Variants in POMT2 observed in about 807,000 individuals in gnomAD.
POMT2 encodes protein O-mannosyl-transferase 2.
In POMT2, 75 loss-of-function variants were observed where a neutral mutation model predicts 100.0. The observed-to-expected ratio is 0.75, with a 90% confidence interval of 0.62 to 0.91. The LOEUF (loss-of-function observed/expected upper bound fraction) is 0.91. Among genes scored for constraint, POMT2 ranks in the 40% least tolerant of loss-of-function variants. POMT2 has a pLI of 0.00. For missense variants in POMT2, 940 were observed against 955.1 expected, an observed-to-expected ratio of 0.98 and a Z score of 0.21; for synonymous variants, 378 against 374.1, an observed-to-expected ratio of 1.01 and a Z score of -0.12.
Position 77,292,565 on chromosome 14 carries a change from T to C in POMT2, c.1117-1185A>G, listed in dbSNP as rs1055828744. Among the ~76,000 whole-genome samples the C allele has an allele frequency of 2.7e-4, 41 of 152,334 alleles. No homozygotes were observed. The South Asian group carries it at 3.1e-3, about 12-fold the overall frequency. On this transcript the variant is annotated intron_variant, in intron 9 of 20. Transcript: ENST00000261534. ...TATATACGTCCAATTATGCCAATTATGTAGACAAGTAGAGAACTCTCACAA... is the reference window on the plus strand; with the variant it reads ...TATATACGTCCAATTATGCCAATTACGTAGACAAGTAGAGAACTCTCACAA...
chr14:77,320,817 C>T lies in POMT2; in HGVS notation c.-136G>A, dbSNP rs1891870150. 7.2e-7 allele frequency: 1 copy of T among 1,381,034 alleles called. No individual in the cohort carries two copies. The highest frequency in any genetic ancestry group is 9.3e-7 in the Non-Finnish European group (1 of 1,074,680). The allele number at this position is 1,381,034 out of a possible 1,614,324, so 85.5% of individuals were successfully genotyped here. A position where few individuals can be genotyped will look rare whatever the true frequency, so the allele number is the denominator to read the frequency against. On this transcript the variant is annotated 5_prime_UTR_variant, in exon 1 of 21. Transcript: ENST00000261534. ...CCCTTCACTGCAGCGGAGCGCGGGGCCCCGGGCTCGGGGCGGGGCGGGCAG... is the reference window on the plus strand; with the variant it reads ...CCCTTCACTGCAGCGGAGCGCGGGGTCCCGGGCTCGGGGCGGGGCGGGCAG...
intron 12 of POMT2, among the ~76,000 whole-genome samples, chr14:77,285,943 C>T (rs2140186200): frequency 6.6e-6 from 1 of 152,274 alleles, no homozygotes; most frequent in South Asian, 2.1e-4. Context: ...GCCCTTCAAC[C>T]AAACTCAAGA....
intron 11 of POMT2, among the ~76,000 whole-genome samples, chr14:77,288,345 T>A (rs1457201388): frequency 1.3e-5 from 2 of 152,312 alleles, no homozygotes; most frequent in East Asian, 3.9e-4. Context: ...AGAAACAGAC[T>A]CCTACGTCTT....
At chr14:77,291,620 C>G (rs1466227118) in intron 9 of POMT2, 3 of 613,472 alleles carry the variant, frequency 4.9e-6, no homozygotes, top group Non-Finnish European at 8.5e-6. Context: ...CTTTTTGTTT[C>G]TTTGTATCTT....
chr14:77,320,361 C>A (rs1331424773), intron 1 of POMT2, 73 bp downstream of exon 1: 15 of 1,539,864 alleles, frequency 9.7e-6, no homozygotes, highest in South Asian at 1.2e-5. Context: ...CCCCTCCGTA[C>A]CCTCGGGCCA....
chr14:77,280,281 C>G, intron 16 of POMT2, 111 bp downstream of exon 16: 1 of 1,570,476 alleles, frequency 6.4e-7, no homozygotes, highest in Non-Finnish European at 8.6e-7. Flanking sequence ...CAACCCATCC[C>G]AGGAGGCCCC....
At chr14:77,278,302 T>G (rs1890054368) in intron 20 of POMT2, 92 bp downstream of exon 20, 9 of 1,097,628 alleles carry the variant, frequency 8.2e-6, no homozygotes, top group East Asian at 7.7e-5. Context: ...ACTGGTGGTG[T>G]TAAAAGCACC....
At chr14:77,294,874 C>T (rs1369952439) in intron 9 of POMT2, among the ~76,000 whole-genome samples, 1 of 152,168 alleles carries the variant, frequency 6.6e-6, no homozygotes, top group Admixed American at 6.6e-5. Context: ...AAAAATAAAG[C>T]ATTTGGAGAG....
Position 77,290,259 on chromosome 14 carries a change from A to T in POMT2, c.1183+1055T>A, listed in dbSNP as rs568004478. On this transcript the variant is annotated intron_variant, in intron 10 of 20. Coordinates refer to ENST00000261534, the MANE Select transcript of POMT2 (RefSeq NM_013382.7). ...TGGTTCATGACCACATGACGGAAGT[A>T]AAACTGGTCTTCCCTCGTAACTCCT... Among the ~76,000 whole-genome samples the T allele has an allele frequency of 2.6e-5, 4 of 152,344 alleles. No homozygotes were observed. In the East Asian group the frequency reaches 5.8e-4, roughly 22 times the overall value.
intron 8 of POMT2, among the ~76,000 whole-genome samples, chr14:77,298,333 A>G (rs1318335439): frequency 6.6e-6 from 1 of 152,214 alleles, no homozygotes; most frequent in East Asian, 1.9e-4. Context: ...CTCCACTACC[A>G]TCTGTCATAG....
chr14:77,289,347 C>T (rs1358001793), intron 10 of POMT2, among the ~76,000 whole-genome samples: 7 of 151,574 alleles, frequency 4.6e-5, no homozygotes, highest in African/African-American at 1.2e-4. Context: ...GCCGAGATTG[C>T]GCCACTGCAT....
chr14:77,306,180 T>C, intron 3 of POMT2, 157 bp downstream of exon 3: 1 of 1,308,250 alleles, frequency 7.6e-7, no homozygotes, highest in South Asian at 1.3e-5. Context: ...TCTGAGTATC[T>C]ACACCACAGG....
At chr14:77,281,198 T>C (rs1422124673) in intron 15 of POMT2, among the ~76,000 whole-genome samples, 2 of 152,266 alleles carry the variant, frequency 1.3e-5, no homozygotes, top group East Asian at 3.9e-4. Context: ...AAGCAGAAAC[T>C]CTCATGCGTG....
At chr14:77,319,466 A>G (rs1489194166) in intron 1 of POMT2, 1 of 152,240 alleles carries the variant, frequency 6.6e-6, no homozygotes, top group African/African-American at 2.4e-5. Flanking sequence ...CATTCTGGGT[A>G]TACCAAGAAT....
rs1470235406 is a variant in POMT2 at position 77,286,931 on chromosome 14, A to G, written c.1254-109T>C. On this transcript the variant is annotated intron_variant, in intron 11 of 20. Transcript: ENST00000261534. ...CAACTGTCAGGATAAGAAAAATTAGAATCTGAACTATTAAATCCAACATAT... is the reference window on the plus strand; with the variant it reads ...CAACTGTCAGGATAAGAAAAATTAGGATCTGAACTATTAAATCCAACATAT... 3.2e-6 allele frequency: 5 copies of G among 1,561,944 alleles called. No homozygotes were observed. In the African/African-American group the frequency reaches 6.8e-5, roughly 21 times the overall value.
intron 17 of POMT2, 25 bp from the exon 18 acceptor site, chr14:77,279,953 A>G (rs377142287): frequency 4.2e-5 from 68 of 1,614,164 alleles, no homozygotes; most frequent in Non-Finnish European, 5.3e-5. Context: ...GAATGGGCAG[A>G]TGAGAACGCA....
intron 1 of POMT2, among the ~76,000 whole-genome samples, chr14:77,317,989 G>A (rs537906017): frequency 6.6e-6 from 1 of 152,314 alleles, no homozygotes; most frequent in South Asian, 2.1e-4. Context: ...ATGGGCCTCT[G>A]TCAATTTTCT....
At chr14:77,296,355 C>G in intron 8 of POMT2, 82 bp from the exon 9 acceptor site, 2 of 946,126 alleles carry the variant, frequency 2.1e-6, no homozygotes, top group Non-Finnish European at 3.3e-6. Context: ...TCGGAAGCCA[C>G]AGGGCTCACT....
intron 12 of POMT2, 62 bp from the exon 13 acceptor site, chr14:77,285,694 A>G (rs535151958): frequency 6.4e-7 from 1 of 1,559,940 alleles, no homozygotes; most frequent in African/African-American, 1.4e-5. Flanking sequence ...AAAACGTGTC[A>G]GAAAGGGAAA....
Sources: gnomAD v4.1 joint callset for allele counts (sites outside exome capture counted in the v4.1 genomes callset) on GRCh38, gnomAD v4.1.1 for gene constraint, MANE v1.5 for transcripts, NCBI Gene and HGNC (gene_info 2026-07-23, HGNC 2026-07-21) for gene names.